The following TSPAN2 variants were observed in gnomAD, a reference collection of about 807,000 sequenced individuals.
TSPAN2 encodes the protein tetraspanin 2.
Under a neutral mutation model 33.3 loss-of-function variants are expected in TSPAN2, and 24 were observed. The ratio of observed to expected loss-of-function variants is 0.72; its 90% CI spans 0.52 to 1.01. The LOEUF is 1.01. TSPAN2 is among the 50% of genes least tolerant of loss of function. The pLI is 0.00. For missense variants in TSPAN2, 278 were observed against 281.3 expected, an observed-to-expected ratio of 0.99 and a Z score of 0.08; for synonymous variants, 114 against 104.5, an observed-to-expected ratio of 1.09 and a Z score of -0.56.
chr1:115,059,138 G>C (rs546251670), intron 4 of TSPAN2, among the ~76,000 whole-genome samples, 157 bp from the exon 5 acceptor site: 1 of 152,268 alleles, frequency 6.6e-6, no homozygotes, highest in East Asian at 1.9e-4. Flanking sequence ...GAAAGGGTAG[G>C]AGTGAGGTGA....
intron 4 of TSPAN2, 131 bp from the exon 5 acceptor site, chr1:115,059,112 C>T: frequency 1.4e-6 from 1 of 725,506 alleles, no homozygotes; most frequent in South Asian, 1.7e-5. Context: ...ATACAATGGA[C>T]TTTGGGGACT....
Position 115,050,568 on chromosome 1 carries a change from A to C in TSPAN2, c.601-13T>G, listed in dbSNP as rs1306717549. 6.2e-7 allele frequency: 1 copy of C among 1,613,676 alleles called. No homozygotes were observed. Among genetic ancestry groups the C allele is most frequent in the Non-Finnish European group, 8.5e-7 (1 of 1,179,684 alleles). On this transcript the variant is annotated splice_polypyrimidine_tract_variant and intron_variant, in intron 7 of 7. Transcript: ENST00000369516. ...TCATGCCAAAGATCTGAAACAGAAGAAACACTCATCAGTGACTTTGAAACG... is the reference window on the plus strand; with the variant it reads ...TCATGCCAAAGATCTGAAACAGAAGCAACACTCATCAGTGACTTTGAAACG...
chr1:115,058,329 C>T (rs1647516986), intron 5 of TSPAN2: 1 of 160,280 alleles, frequency 6.2e-6, no homozygotes, highest in East Asian at 1.9e-4. Flanking sequence ...TGTAAGCCTT[C>T]TGTGATTAAC....
At chr1:115,055,297 T>C (rs190121161) in intron 6 of TSPAN2, among the ~76,000 whole-genome samples, 315 of 151,374 alleles carry the variant, frequency 2.1e-3, no homozygotes, top group Non-Finnish European at 3.5e-3. Flanking sequence ...ACAAAAGGAA[T>C]ACATGCTTCT....
rs142480115 is a variant in TSPAN2 at position 115,058,627 on chromosome 1, T to C, written c.444+256A>G. On this transcript the variant is annotated intron_variant, in intron 5 of 7. Transcript: ENST00000369516. Reference sequence around the variant, plus strand: ...CCTTTCTCTGTAACCTTGTTTGTGCTCTTTTGTCTCTTTGGGGCATGTGTC... The same window carrying C: ...CCTTTCTCTGTAACCTTGTTTGTGCCCTTTTGTCTCTTTGGGGCATGTGTC... 6.6e-5 allele frequency among the ~76,000 whole-genome samples: 10 copies of C among 152,356 alleles called. No homozygotes were observed. In the East Asian group the frequency reaches 1.9e-3, roughly 29 times the overall value.
chr1:115,080,949 T>C (rs1400261353), intron 1 of TSPAN2, among the ~76,000 whole-genome samples: 1 of 152,202 alleles, frequency 6.6e-6, no homozygotes, highest in East Asian at 1.9e-4. Flanking sequence ...AATATTTATT[T>C]ATAGTGGTTG....
intron 4 of TSPAN2, among the ~76,000 whole-genome samples, chr1:115,059,376 G>T (rs1303744860): frequency 6.6e-6 from 1 of 152,214 alleles, no homozygotes; most frequent in African/African-American, 2.4e-5. Flanking sequence ...TGCTTTTGAG[G>T]ATGGAAGGAC....
At chr1:115,075,983 C>T (rs559952482) in intron 1 of TSPAN2, among the ~76,000 whole-genome samples, 53 of 151,824 alleles carry the variant, frequency 3.5e-4, no homozygotes, top group African/African-American at 1.1e-3. Context: ...GTCAGGGAAA[C>T]GATGATGAAA....
intron 1 of TSPAN2, among the ~76,000 whole-genome samples, chr1:115,075,872 C>T (rs1346602430): frequency 2.6e-5 from 4 of 151,648 alleles, no homozygotes; most frequent in Non-Finnish European, 4.4e-5. Context: ...TTTTTTTAAC[C>T]TTTCCTTCTT....
chr1:115,058,801 T>G, intron 5 of TSPAN2, 82 bp downstream of exon 5: 2 of 1,224,772 alleles, frequency 1.6e-6, no homozygotes, highest in South Asian at 2.5e-5. Flanking sequence ...ATTTTTATTT[T>G]TAATCCTGGT....
intron 3 of TSPAN2, 63 bp from the exon 4 acceptor site, chr1:115,060,601 A>G: frequency 7.3e-7 from 1 of 1,361,862 alleles, no homozygotes; most frequent in South Asian, 1.3e-5. Flanking sequence ...TATATTTTGC[A>G]CCTTAGTTTC....
rs114067974 is a variant in TSPAN2, at chr1:115,048,237, T to G, written c.*2253A>C. The G allele has an allele frequency of 6.7e-6, 1 of 149,698 alleles. No individual in the cohort carries two copies. The highest frequency in any genetic ancestry group is 1.9e-4 in the East Asian group (1 of 5,148). 9.3% of individuals were successfully genotyped at this position (149,698 alleles called of 1,614,324 possible). On this transcript the variant is annotated 3_prime_UTR_variant, in exon 8 of 8. Transcript: ENST00000369516. Reference sequence around the variant, plus strand: ...TGTATATATTCAAATTATATACATATAAAGATATTTGTAGATTCAAGATAT... The same window carrying G: ...TGTATATATTCAAATTATATACATAGAAAGATATTTGTAGATTCAAGATAT...
At chr1:115,069,826 T>G (rs1331404948) in intron 2 of TSPAN2, among the ~76,000 whole-genome samples, 1 of 152,218 alleles carries the variant, frequency 6.6e-6, no homozygotes, top group Admixed American at 6.5e-5. Context: ...AAATCAGGAA[T>G]GTGGGTGTAG....
At chr1:115,085,427 A>G (rs1403485042) in intron 1 of TSPAN2, among the ~76,000 whole-genome samples, 3 of 152,194 alleles carry the variant, frequency 2.0e-5, no homozygotes, top group Admixed American at 2.0e-4. Context: ...GGAGGCTGCA[A>G]ATTGATCTGT....
At chr1:115,076,293 A>T (rs1361363866) in intron 1 of TSPAN2, among the ~76,000 whole-genome samples, 1 of 152,034 alleles carries the variant, frequency 6.6e-6, no homozygotes, top group Non-Finnish European at 1.5e-5. Context: ...GGGAGGTCGG[A>T]GGTTGGGGCT....
At chr1:115,053,165 T>C (rs1647254972) in intron 7 of TSPAN2, among the ~76,000 whole-genome samples, 1 of 152,236 alleles carries the variant, frequency 6.6e-6, no homozygotes, top group African/African-American at 2.4e-5. Context: ...AAGGTCATAA[T>C]GAGTTAAAGT....
chr1:115,072,046 G>A (rs911715384), intron 2 of TSPAN2, among the ~76,000 whole-genome samples: 18 of 152,164 alleles, frequency 1.2e-4, no homozygotes, highest in Non-Finnish European at 2.4e-4. Flanking sequence ...GTATATGGGG[G>A]TGCCACCTTT....
chr1:115,054,782 A>C (rs1040999013), intron 6 of TSPAN2, among the ~76,000 whole-genome samples: 122 of 152,036 alleles, frequency 8.0e-4, no homozygotes, highest in African/African-American at 2.9e-3. Flanking sequence ...AGGTCAGGAG[A>C]TCGAGACCAG....
At chr1:115,050,629 G>A in intron 7 of TSPAN2, 74 bp from the exon 8 acceptor site, 2 of 1,143,044 alleles carry the variant, frequency 1.7e-6, no homozygotes, top group Admixed American at 1.9e-5. Flanking sequence ...AGACTTCCTG[G>A]GTGTCTAACT....
Sources: allele counts gnomAD v4.1 joint callset (sites outside exome capture counted in the v4.1 genomes callset), GRCh38; gene constraint gnomAD v4.1.1; transcripts MANE v1.5; gene names NCBI Gene and HGNC (gene_info 2026-07-23, HGNC 2026-07-21).